Variants in TEX48 observed in about 807,000 individuals in gnomAD.
TEX48 encodes testis expressed 48.
In TEX48, 10 loss-of-function variants were observed where a neutral mutation model predicts 13.2. That is an observed-to-expected ratio of 0.75 (90% CI 0.47 to 1.28). TEX48 has a LOEUF of 1.28. Ranked by LOEUF, TEX48 falls within the 50% of genes most tolerant of loss-of-function variation. The pLI is 0.00. For missense variants in TEX48, 116 were observed against 139.4 expected, an observed-to-expected ratio of 0.83 and a Z score of 0.84; for synonymous variants, 45 against 52.3, an observed-to-expected ratio of 0.86 and a Z score of 0.60.
At chr9:114,678,873 A>T (rs1828129663) in intron 1 of TEX48, among the ~76,000 whole-genome samples, 1 of 151,776 alleles carries the variant, frequency 6.6e-6, no homozygotes, top group Non-Finnish European at 1.5e-5. Context: ...TTGACCTTCA[A>T]CAATGGGGAA....
chr9:114,671,677 C>T (rs779041831), intron 2 of TEX48, 43 bp downstream of exon 2: 1 of 1,535,592 alleles, frequency 6.5e-7, no homozygotes, highest in South Asian at 1.2e-5. Flanking sequence ...GCAGATCCTT[C>T]TGCCTAGGCC....
At chr9:114,676,442 T>A (rs1458608766) in intron 1 of TEX48, among the ~76,000 whole-genome samples, 2 of 151,992 alleles carry the variant, frequency 1.3e-5, no homozygotes, top group Admixed American at 1.3e-4. Context: ...AGTGCTGGGT[T>A]ATAGGCTTGA....
intron 1 of TEX48, among the ~76,000 whole-genome samples, chr9:114,677,292 A>AT (rs35962652): frequency 0.036 from 5,414 of 149,166 alleles, 108 homozygotes; most frequent in African/African-American, 0.044. Flanking sequence ...GTGTCATGGG[A>AT]TTTTTTTTTT....
chr9:114,667,503 G>A (rs1827863084), intron 4 of TEX48, among the ~76,000 whole-genome samples: 1 of 152,212 alleles, frequency 6.6e-6, no homozygotes, highest in Non-Finnish European at 1.5e-5. Flanking sequence ...GGCTGGATCT[G>A]GGGGCATAAC....
At position 114,666,592 on chromosome 9, in the gene TEX48, C is replaced by T. The variant is rs921660214; in HGVS notation, c.*51G>A. On this transcript the variant is annotated 3_prime_UTR_variant, in exon 5 of 5. Coordinates refer to ENST00000436752, the MANE Select transcript of TEX48 (RefSeq NM_001199233.2). ...GTCTTCATGACTCCTGTCCACCGCC[C>T]TCTTCCTCATGGAGATGCCCCAGCA... 6.5e-6 allele frequency: 7 copies of T among 1,078,526 alleles called. No individual in the cohort carries two copies. Among genetic ancestry groups the T allele is most frequent in the East Asian group, 2.6e-5 (1 of 38,698 alleles). 66.8% of individuals were successfully genotyped at this position (1,078,526 alleles called of 1,614,324 possible). A position where few individuals can be genotyped will look rare whatever the true frequency, so the allele number is the denominator to read the frequency against.
chr9:114,671,541 G>A (rs1043930125), intron 2 of TEX48, 36 bp from the exon 3 acceptor site: 25 of 1,534,196 alleles, frequency 1.6e-5, no homozygotes, highest in South Asian at 9.6e-5. Context: ...CATGGGTTCC[G>A]GAATCTGAAT....
chr9:114,671,372 C>T lies in TEX48; in HGVS notation c.127+11G>A, dbSNP rs1827942480. The T allele has an allele frequency of 6.5e-7, 1 of 1,535,040 alleles. No homozygotes were observed. The highest frequency in any genetic ancestry group is 8.7e-7 in the Non-Finnish European group (1 of 1,146,606). ...GAGAGGCCATGCAGAGTGTCCTTAT[C>T]TGATACCTACTTTGGGTCGATGGCT... is the stretch of plus-strand genomic sequence containing the variant. On this transcript the variant is annotated intron_variant, in intron 3 of 4. Transcript: ENST00000436752.
At chr9:114,670,200 T>A (rs1381747147) in intron 3 of TEX48, among the ~76,000 whole-genome samples, 1 of 152,230 alleles carries the variant, frequency 6.6e-6, no homozygotes, top group African/African-American at 2.4e-5. Context: ...ATTTATCTGA[T>A]CACAGCTGGG....
chr9:114,668,362 C>T, intron 3 of TEX48, 25 bp from the exon 4 acceptor site: 1 of 1,534,196 alleles, frequency 6.5e-7, no homozygotes, highest in Non-Finnish European at 8.7e-7. Context: ...TCCACAGGGT[C>T]ACGTGGGGGA....
intron 1 of TEX48, among the ~76,000 whole-genome samples, chr9:114,674,195 G>A (rs539636976): frequency 3.3e-5 from 5 of 152,202 alleles, no homozygotes; most frequent in Non-Finnish European, 4.4e-5. Context: ...TGGGTCTTAA[G>A]ATACTCTGTA....
At chr9:114,671,661 T>C in intron 2 of TEX48, 59 bp downstream of exon 2, 1 of 1,535,218 alleles carries the variant, frequency 6.5e-7, no homozygotes, top group East Asian at 2.4e-5. Context: ...TAGCTTCCCA[T>C]GGCCAGCAGA....
chr9:114,669,463 T>TA (rs1827904474), intron 3 of TEX48, among the ~76,000 whole-genome samples: 2 of 151,112 alleles, frequency 1.3e-5, no homozygotes, highest in Non-Finnish European at 3.0e-5. Flanking sequence ...TTTTTTGAGA[T>TA]AGAGTTTCGC....
rs1266791826 is a variant in TEX48, at chr9:114,671,681, C to T, written c.4+39G>A. ...TCCCATGGCCAGCAGATCCTTCTGC[C>T]TAGGCCATTTTTTCCTATTCTGTAC... On this transcript the variant is annotated intron_variant, in intron 2 of 4. Coordinates refer to ENST00000436752, the MANE Select transcript of TEX48 (RefSeq NM_001199233.2). 3.3e-6 allele frequency: 5 copies of T among 1,535,466 alleles called. No individual in the cohort carries two copies. In the Admixed American group the frequency reaches 5.9e-5, roughly 18 times the overall value.
intron 4 of TEX48, among the ~76,000 whole-genome samples, chr9:114,667,574 A>G (rs1415022049): frequency 6.6e-6 from 1 of 152,224 alleles, no homozygotes; most frequent in Non-Finnish European, 1.5e-5. Context: ...TGGCCAAAGT[A>G]GACATCAAGT....
intron 1 of TEX48, among the ~76,000 whole-genome samples, chr9:114,676,253 T>C (rs540941028): frequency 6.6e-6 from 1 of 152,188 alleles, no homozygotes; most frequent in Non-Finnish European, 1.5e-5. Flanking sequence ...AGCCTCATCC[T>C]CCCAGGTGCA....
At chr9:114,676,516 G>A (rs1238976012) in intron 1 of TEX48, among the ~76,000 whole-genome samples, 2 of 151,174 alleles carry the variant, frequency 1.3e-5, no homozygotes, top group Non-Finnish European at 2.9e-5. Flanking sequence ...TGTATTTACT[G>A]AAAACCTGCC....
At chr9:114,679,003 A>C (rs1828133684) in intron 1 of TEX48, among the ~76,000 whole-genome samples, 1 of 152,026 alleles carries the variant, frequency 6.6e-6, no homozygotes, top group African/African-American at 2.4e-5. Context: ...ACATGAAACT[A>C]TTTTAAAAGA....
intron 1 of TEX48, among the ~76,000 whole-genome samples, chr9:114,678,989 T>C (rs536240042): frequency 2.0e-5 from 3 of 151,942 alleles, no homozygotes; most frequent in Non-Finnish European, 4.4e-5. Flanking sequence ...ATAGGAAGTA[T>C]GCCACATGAA....
chr9:114,667,782 T>G (rs1827868440), intron 4 of TEX48, among the ~76,000 whole-genome samples: 2 of 151,504 alleles, frequency 1.3e-5, no homozygotes, highest in Admixed American at 1.3e-4. Flanking sequence ...GCCTGTAATC[T>G]CAGCTACTCA....
Sources: allele counts gnomAD v4.1 joint callset (sites outside exome capture counted in the v4.1 genomes callset), GRCh38; gene constraint gnomAD v4.1.1; transcripts MANE v1.5; gene names NCBI Gene and HGNC (gene_info 2026-07-23, HGNC 2026-07-21).